Variants in PDE4B observed in about 807,000 individuals in gnomAD.
PDE4B encodes phosphodiesterase 4B.
In PDE4B, 20 loss-of-function variants were observed where a neutral mutation model predicts 82.2. The observed-to-expected ratio is 0.24, with a 90% CI of 0.17 to 0.35. PDE4B has a LOEUF of 0.35. PDE4B is among the 10% of genes least tolerant of loss of function. PDE4B has a pLI of 1.00. For synonymous variants in PDE4B, 320 were observed against 318.9 expected, an observed-to-expected ratio of 1.00 and a Z score of -0.04; for missense variants, 655 against 907.2, an observed-to-expected ratio of 0.72 and a Z score of 3.57.
At chr1:66,358,691 A>AC (rs1182772499) in intron 9 of PDE4B, among the ~76,000 whole-genome samples, 13 of 151,700 alleles carry the variant, frequency 8.6e-5, no homozygotes, top group African/African-American at 3.2e-4. Context: ...AAAAAAAAAA[A>AC]AGTATTAACA....
chr1:66,068,498 A>C (rs1005959853), intron 3 of PDE4B, among the ~76,000 whole-genome samples: 2 of 151,930 alleles, frequency 1.3e-5, no homozygotes, highest in African/African-American at 4.8e-5. Context: ...AACATTCCTG[A>C]ATTTGGAATT....
chr1:66,034,214 T>C (rs1653949232), intron 3 of PDE4B, among the ~76,000 whole-genome samples: 3 of 152,212 alleles, frequency 2.0e-5, no homozygotes, highest in Non-Finnish European at 4.4e-5. Context: ...GTACAAGCCA[T>C]GGATTTTGAA....
chr1:66,367,540 TG>T, intron 13 of PDE4B, 155 bp from the exon 14 acceptor site: 1 of 590,324 alleles, frequency 1.7e-6, no homozygotes. Context: ...GACTTCTGTT[TG>T]TAGAGGGCCA....
At chr1:66,023,684 A>G (rs989448539) in intron 3 of PDE4B, among the ~76,000 whole-genome samples, 8 of 152,304 alleles carry the variant, frequency 5.3e-5, no homozygotes, top group African/African-American at 1.4e-4. Flanking sequence ...TAATTAGCCT[A>G]TAATCCACCT....
intron 7 of PDE4B, among the ~76,000 whole-genome samples, chr1:66,324,448 C>T (rs1659610896): frequency 6.6e-6 from 1 of 151,896 alleles, no homozygotes; most frequent in Non-Finnish European, 1.5e-5. Context: ...AAATGTATGT[C>T]ATAATGATAA....
intron 3 of PDE4B, among the ~76,000 whole-genome samples, chr1:65,936,034 C>A (rs60097170): frequency 2.0e-5 from 3 of 151,390 alleles, no homozygotes; most frequent in African/African-American, 7.3e-5. Flanking sequence ...AAGCTTTTTT[C>A]TTTTTTTTTC....
intron 1 of PDE4B, among the ~76,000 whole-genome samples, chr1:65,853,285 G>A (rs1646351617): frequency 6.6e-6 from 1 of 151,928 alleles, no homozygotes; most frequent in Admixed American, 6.6e-5. Flanking sequence ...TGGGTTTCTT[G>A]TAGACAGCAT....
intron 3 of PDE4B, among the ~76,000 whole-genome samples, chr1:66,002,809 C>T (rs1021237832): frequency 3.9e-5 from 6 of 151,960 alleles, no homozygotes; most frequent in Non-Finnish European, 8.8e-5. Context: ...TGTCCTAGAC[C>T]TCAATTCTTT....
At chr1:66,079,484 A>G (rs1022280214) in intron 3 of PDE4B, among the ~76,000 whole-genome samples, 10 of 152,152 alleles carry the variant, frequency 6.6e-5, no homozygotes, top group African/African-American at 2.4e-4. Context: ...TATTCTGCAG[A>G]GTAGTAGCAC....
chr1:66,108,678 T>A (rs1645422693), intron 3 of PDE4B, among the ~76,000 whole-genome samples: 1 of 85,814 alleles, frequency 1.2e-5, no homozygotes, highest in Non-Finnish European at 2.4e-5. Context: ...TGAAAAATGT[T>A]CAATGTCACT....
chr1:66,050,842 G>A (rs892591771), intron 3 of PDE4B: 1 of 152,104 alleles, frequency 6.6e-6, no homozygotes, highest in Non-Finnish European at 1.5e-5. Flanking sequence ...CCCCTGTCAT[G>A]GACATCCAAA....
chr1:66,115,003 C>A (rs1645567310), intron 3 of PDE4B, among the ~76,000 whole-genome samples: 1 of 152,054 alleles, frequency 6.6e-6, no homozygotes, highest in African/African-American at 2.4e-5. Flanking sequence ...GTTTACAATC[C>A]AATTTATTCT....
intron 3 of PDE4B, among the ~76,000 whole-genome samples, chr1:65,921,264 G>A (rs1027866204): frequency 4.6e-5 from 7 of 152,010 alleles, no homozygotes; most frequent in South Asian, 2.1e-4. Context: ...CACCGCGCCC[G>A]GCCCTAAAAG....
intron 7 of PDE4B, among the ~76,000 whole-genome samples, chr1:66,303,963 T>C (rs2101845852): frequency 6.6e-6 from 1 of 152,240 alleles, no homozygotes; most frequent in Admixed American, 6.5e-5. Flanking sequence ...GAAGACACCA[T>C]CACACCACTG....
chr1:65,872,997 A>T (rs902076406), intron 1 of PDE4B, among the ~76,000 whole-genome samples: 1 of 152,204 alleles, frequency 6.6e-6, no homozygotes, highest in African/African-American at 2.4e-5. Context: ...TCATTCAAAC[A>T]TATTAATCTA....
At chr1:65,891,356 T>G (rs182997352) in intron 1 of PDE4B, among the ~76,000 whole-genome samples, 61 of 152,224 alleles carry the variant, frequency 4.0e-4, no homozygotes, top group Admixed American at 6.6e-4. Context: ...GGGAAATAAT[T>G]ATCAGCGGTT....
intron 3 of PDE4B, among the ~76,000 whole-genome samples, chr1:66,108,441 C>T (rs1645416950): frequency 6.6e-6 from 1 of 151,940 alleles, no homozygotes; most frequent in Non-Finnish European, 1.5e-5. Context: ...CAAAATTAGA[C>T]AAATGCTATT....
rs1274418052 is a variant in PDE4B, at chr1:65,974,072, C to G, written c.281+55237C>G. Among the ~76,000 whole-genome samples, 4 of 152,122 alleles carry G rather than the reference C, an allele frequency of 2.6e-5. No homozygotes were observed. The East Asian group carries it at 7.7e-4, about 29-fold the overall frequency. ...AGGTGGTCTGCCTGCCTCAGCCTCCCAAAGTGCTGGAATTACAGGTGTGAG... is the reference window on the plus strand; with the variant it reads ...AGGTGGTCTGCCTGCCTCAGCCTCCGAAAGTGCTGGAATTACAGGTGTGAG... On this transcript the variant is annotated intron_variant, in intron 3 of 16. Transcript: ENST00000341517.
intron 3 of PDE4B, among the ~76,000 whole-genome samples, chr1:66,192,744 T>C (rs929411085): frequency 1.3e-5 from 2 of 152,124 alleles, no homozygotes; most frequent in African/African-American, 4.8e-5. Context: ...AGGCTGTATC[T>C]CTCATCAAGT....
Sources: gnomAD v4.1 joint callset for allele counts (sites outside exome capture counted in the v4.1 genomes callset) on GRCh38, gnomAD v4.1.1 for gene constraint, MANE v1.5 for transcripts, NCBI Gene and HGNC (gene_info 2026-07-23, HGNC 2026-07-21) for gene names.